The following FANCM variants were observed in gnomAD, a reference collection of about 807,000 sequenced individuals.
The protein encoded by FANCM is FA complementation group M.
FANCM carries 140 observed loss-of-function variants against 199.5 expected under a neutral mutation model. The observed-to-expected ratio is 0.70, with a 90% CI of 0.61 to 0.81. FANCM has a LOEUF of 0.81. Among genes scored for constraint, FANCM ranks in the 30% least tolerant of loss-of-function variants. The pLI is 0.00. For synonymous variants in FANCM, 840 were observed against 836.8 expected (o/e 1.00, Z -0.07); for missense variants, 2,410 against 2,421.4 (o/e 1.00, Z 0.10).
intron 21 of FANCM, among the ~76,000 whole-genome samples, chr14:45,197,557 C>T (rs538162855): frequency 5.8e-4 from 86 of 149,032 alleles, no homozygotes; most frequent in African/African-American, 2.0e-3. Flanking sequence ...CTCCACCTCC[C>T]GGGTTCAAGC....
At chr14:45,177,214 G>A (rs571958039) in intron 14 of FANCM, among the ~76,000 whole-genome samples, 10 of 150,160 alleles carry the variant, frequency 6.7e-5, no homozygotes, top group Non-Finnish European at 1.0e-4. Flanking sequence ...TGAAATACAC[G>A]AAGATGAGTA....
intron 3 of FANCM, among the ~76,000 whole-genome samples, chr14:45,147,641 C>G (rs920612761): frequency 6.6e-6 from 1 of 152,076 alleles, no homozygotes; most frequent in African/African-American, 2.4e-5. Flanking sequence ...CACCTTTAAT[C>G]CCAGCACTTT....
In FANCM at chr14:45,177,066, G is replaced by A. The variant is rs1296959469; in HGVS notation, c.4222+90G>A. The A allele has an allele frequency of 1.9e-5, 15 of 777,464 alleles. No homozygotes were observed. The South Asian group carries it at 2.3e-4, about 12-fold the overall frequency. The allele number at this position is 777,464 out of a possible 1,614,324, so 48.2% of individuals were successfully genotyped here. On this transcript the variant is annotated intron_variant, in intron 14 of 22. Transcript: ENST00000267430. ...TAATTTTTCCAAATGTAATTTTTTA[G>A]TACATGGTACAATATAAATATTGAA... is the stretch of plus-strand genomic sequence containing the variant.
intron 10 of FANCM, among the ~76,000 whole-genome samples, chr14:45,166,000 A>G (rs1887941631): frequency 6.6e-6 from 1 of 152,214 alleles, no homozygotes; most frequent in Admixed American, 6.5e-5. Context: ...AAAACACAAG[A>G]CAACCTTACA....
intron 21 of FANCM, among the ~76,000 whole-genome samples, chr14:45,197,910 C>T (rs532377917): frequency 2.0e-5 from 3 of 151,238 alleles, no homozygotes; most frequent in East Asian, 2.0e-4. Context: ...ACTACAGGTG[C>T]GTGCCACCAT....
Position 45,142,258 on chromosome 14 carries a change from G to T in FANCM, c.759+1549G>T, listed in dbSNP as rs569890141. Among the ~76,000 whole-genome samples the T allele has an allele frequency of 1.5e-4, 23 of 151,062 alleles. 2 individuals are homozygous for T. The highest frequency in any genetic ancestry group is 5.6e-4 in the African/African-American group (23 of 41,152). ...GGTTCAGTCTGTGATCTCACATTGTGTTGTCATGGCTTCTTAGTCCCTTCT... is the reference window on the plus strand; with the variant it reads ...GGTTCAGTCTGTGATCTCACATTGTTTTGTCATGGCTTCTTAGTCCCTTCT... On this transcript the variant is annotated intron_variant, in intron 3 of 22. Transcript: ENST00000267430.
chr14:45,185,767 C>G (rs1308273342), intron 18 of FANCM, among the ~76,000 whole-genome samples: 1 of 151,944 alleles, frequency 6.6e-6, no homozygotes, highest in East Asian at 1.9e-4. Flanking sequence ...TATATACTAA[C>G]TAAATTATTT....
At chr14:45,181,289 C>T in intron 14 of FANCM, 141 bp from the exon 15 acceptor site, 8 of 595,550 alleles carry the variant, frequency 1.3e-5, no homozygotes, top group Middle Eastern at 4.7e-4. Context: ...CAGAGTTCTC[C>T]AAGACTATCT....
chr14:45,173,996 C>T (rs1010570287), intron 13 of FANCM, among the ~76,000 whole-genome samples: 17 of 152,092 alleles, frequency 1.1e-4, no homozygotes, highest in South Asian at 6.2e-4. Flanking sequence ...TGGCTATAAC[C>T]GTTAGCAAAC....
In FANCM at chr14:45,196,429, G is replaced by T. The variant is rs771248011; in HGVS notation, c.5598G>T (p.Arg1866Ser). The change falls in exon 21 of 23, where the codon AGG (arginine) becomes AGT (serine). Residue 1866 changes from arginine (R) to serine (S), a missense_variant. Transcript: ENST00000267430. ...IVSNRMVVER[R>S]SQSEMLNSVN... The stretch of plus-strand genomic sequence containing the variant: ...GTAATCGCATGGTGGTGGAAAGGAG[G>T]TCTCAATCTGAGATGTTAAATAGTG... 4 of 1,614,150 alleles carry T rather than the reference G, an allele frequency of 2.5e-6. No individual in the cohort carries two copies. In the Admixed American group the frequency reaches 5.0e-5, roughly 20 times the overall value.
In FANCM at chr14:45,136,443, G is replaced by A. The variant is rs770929563; in HGVS notation, c.412G>A (p.Val138Ile). 6.2e-7 allele frequency: 1 copy of A among 1,614,200 alleles called. No homozygotes were observed. Among genetic ancestry groups the A allele is most frequent in the Non-Finnish European group, 8.5e-7 (1 of 1,180,046 alleles). ...CCGCTGGTTCCCTTCAGGAAAGGTGGTCTTCATGGCCCCAACGAAACCCTT... is the reference window on the plus strand; with the variant it reads ...CCGCTGGTTCCCTTCAGGAAAGGTGATCTTCATGGCCCCAACGAAACCCTT... ...FYRWFPSGKVVFMAPTKPLVT... is the reference protein window; with the variant it reads ...FYRWFPSGKVIFMAPTKPLVT... Residue 138 changes from valine (V) to isoleucine (I), a missense_variant, in exon 1 of 23, where the codon GTC (valine) becomes ATC (isoleucine). By Grantham distance (29) the Val-to-Ile change is conservative. Transcript: ENST00000267430.
At chr14:45,195,845 A>G (rs377390294) in intron 20 of FANCM, among the ~76,000 whole-genome samples, 1 of 151,870 alleles carries the variant, frequency 6.6e-6, no homozygotes, top group African/African-American at 2.4e-5. Context: ...CTCAAAGGTT[A>G]TTTCACCTTC....
At chr14:45,197,763 CCTT>C (rs1478335365) in intron 21 of FANCM, among the ~76,000 whole-genome samples, 1 of 132,874 alleles carries the variant, frequency 7.5e-6, no homozygotes, top group Admixed American at 7.7e-5. Context: ...CCATGCCCAG[CCTT>C]CTTTTTTTTT....
intron 3 of FANCM, among the ~76,000 whole-genome samples, chr14:45,146,324 T>C (rs1886380740): frequency 6.6e-6 from 1 of 152,052 alleles, no homozygotes; most frequent in African/African-American, 2.4e-5. Flanking sequence ...GGTACTGTGA[T>C]TGCTCACTTG....
At chr14:45,197,128 T>C (rs1890101473) in intron 21 of FANCM, among the ~76,000 whole-genome samples, 1 of 152,174 alleles carries the variant, frequency 6.6e-6, no homozygotes, top group Admixed American at 6.5e-5. Context: ...TATTTAATTG[T>C]ATGGCGAGCC....
chr14:45,198,525 A>G lies in FANCM; in HGVS notation c.5717-119A>G, dbSNP rs972294270. 8.3e-6 allele frequency: 5 copies of G among 605,386 alleles called. No individual in the cohort carries two copies. The African/African-American group carries it at 9.2e-5, about 11-fold the overall frequency. 37.5% of individuals were successfully genotyped at this position (605,386 alleles called of 1,614,324 possible). A position where few individuals can be genotyped will look rare whatever the true frequency, so the allele number is the denominator to read the frequency against. The stretch of plus-strand genomic sequence containing the variant: ...AGTTGTAGGGTTTCTCATTAGCAGA[A>G]TGTGGCACCAGTTTGCTCAATGGTG... On this transcript the variant is annotated intron_variant, in intron 21 of 22. Coordinates refer to ENST00000267430, the MANE Select transcript of FANCM (RefSeq NM_020937.4).
chr14:45,140,616 C>CTT lies in FANCM; in HGVS notation c.682-8_682-7dup. ...GCATTGAACAGATGAAACTAAAGAA[C>CTT]TTTTTTTTTCTTAAGGTTGTAAGAG... On this transcript the variant is annotated splice_polypyrimidine_tract_variant and intron_variant, in intron 2 of 22. Coordinates refer to ENST00000267430, the MANE Select transcript of FANCM (RefSeq NM_020937.4). The CTT allele has an allele frequency of 6.8e-7, 1 of 1,461,438 alleles. No homozygotes were observed. The highest frequency in any genetic ancestry group is 9.6e-7 in the Non-Finnish European group (1 of 1,045,102). 90.5% of individuals were successfully genotyped at this position (1,461,438 alleles called of 1,614,324 possible).
chr14:45,145,513 C>G (rs1594761739), intron 3 of FANCM, among the ~76,000 whole-genome samples: 1 of 152,318 alleles, frequency 6.6e-6, no homozygotes, highest in East Asian at 1.9e-4. Context: ...CAGAGCAACA[C>G]TTAGTTCAAT....
rs61746943 is a variant in FANCM, at chr14:45,188,821, C to T, written c.4799C>T (p.Thr1600Ile). Residue 1600 changes from threonine (T) to isoleucine (I), a missense_variant, in exon 20 of 23, where the codon ACC (threonine) becomes ATC (isoleucine). Thr to Ile is a moderately conservative substitution (Grantham distance 89, BLOSUM62 -1). Coordinates refer to ENST00000267430, the MANE Select transcript of FANCM (RefSeq NM_020937.4). ...IFSQIPEQDE[T>I]YLEDSFCVDE... ...TTGTAGATTCCTGAACAAGATGAAA[C>T]CTATTTAGAGGATAGTTTTTGTGTT... 0.019 allele frequency: 30,918 copies of T among 1,611,134 alleles called. 399 individuals carry two copies. The highest frequency in any genetic ancestry group is 0.022 in the Non-Finnish European group (25,658 of 1,178,344).
Sources: gnomAD v4.1 joint callset for allele counts (sites outside exome capture counted in the v4.1 genomes callset) on GRCh38, gnomAD v4.1.1 for gene constraint, MANE v1.5 for transcripts, NCBI Gene and HGNC (gene_info 2026-07-23, HGNC 2026-07-21) for gene names.